The following TENM3 variants were observed in gnomAD, a reference collection of about 807,000 sequenced individuals.
TENM3 encodes the protein teneurin transmembrane protein 3, also known as teneurin-3.
TENM3 carries 63 observed loss-of-function variants against 255.1 expected under a neutral mutation model. That is an observed-to-expected ratio of 0.25 (90% CI 0.20 to 0.30). The LOEUF is 0.30. Ranked by LOEUF, TENM3 falls within the 10% of genes least tolerant of loss-of-function variation. The pLI is 1.00. For synonymous variants in TENM3, 1,306 were observed against 1,322.3 expected, an observed-to-expected ratio of 0.99 and a Z score of 0.27; for missense variants, 2,929 against 3,461.1, an observed-to-expected ratio of 0.85 and a Z score of 3.86.
At chr4:182,281,716 T>C (rs1012396402) in intron 1 of TENM3, among the ~76,000 whole-genome samples, 1 of 152,110 alleles carries the variant, frequency 6.6e-6, no homozygotes, top group Non-Finnish European at 1.5e-5. Flanking sequence ...GTTATAGTAA[T>C]ACATCATCAT....
chr4:181,555,858 AG>A, the TENM3 span, among the ~76,000 whole-genome samples: 1 of 152,218 alleles, frequency 6.6e-6, no homozygotes. Flanking sequence ...GCCAGAACTC[AG>A]TTGGGTGACC....
At chr4:181,673,848 G>GTA in the TENM3 span, among the ~76,000 whole-genome samples, 2 of 36,538 alleles carry the variant, frequency 5.5e-5, no homozygotes, top group African/African-American at 1.5e-4. Flanking sequence ...AGTGTGTGGT[G>GTA]TGTGTGTGTG....
intron 1 of TENM3, among the ~76,000 whole-genome samples, chr4:182,280,353 G>A (rs1311613741): frequency 6.6e-6 from 1 of 152,090 alleles, no homozygotes; most frequent in African/African-American, 2.4e-5. Flanking sequence ...TCTACATTTT[G>A]GGAGGCAGAG....
intron 22 of TENM3, among the ~76,000 whole-genome samples, chr4:182,769,406 T>G (rs1299820551): frequency 6.6e-6 from 1 of 151,760 alleles, no homozygotes; most frequent in East Asian, 1.9e-4. Context: ...TGTGAAAAAG[T>G]TTTTACTCGT....
the TENM3 span, among the ~76,000 whole-genome samples, chr4:181,946,545 T>C: frequency 1.3e-5 from 2 of 152,172 alleles, no homozygotes. Context: ...TTCCATTTTA[T>C]ATTATACTTA....
At chr4:182,728,940 T>C (rs919009939) in intron 13 of TENM3, 25 bp from the exon 14 acceptor site, 2 of 1,597,954 alleles carry the variant, frequency 1.3e-6, no homozygotes, top group Non-Finnish European at 8.6e-7. Flanking sequence ...AAAATTCTCT[T>C]ACTGGGGAAC....
chr4:181,482,232 C>A, the TENM3 span, among the ~76,000 whole-genome samples: 2 of 152,048 alleles, frequency 1.3e-5, no homozygotes, highest in African/African-American at 4.8e-5. Context: ...ATGATGTGTA[C>A]TTGAAAAAGA....
At chr4:182,304,246 T>C (rs113485633) in intron 1 of TENM3, among the ~76,000 whole-genome samples, 10,920 of 152,048 alleles carry the variant, frequency 0.072, 976 homozygotes, top group African/African-American at 0.2. Flanking sequence ...GCAGTCTTGC[T>C]CTGTTGCCCA....
At chr4:182,731,820 C>T (rs370270520) in intron 16 of TENM3, among the ~76,000 whole-genome samples, 6 of 147,794 alleles carry the variant, frequency 4.1e-5, no homozygotes, top group East Asian at 2.0e-4. Flanking sequence ...CTCGCTCTGT[C>T]GCCCAGGCTG....
chr4:181,593,971 G>A, the TENM3 span, among the ~76,000 whole-genome samples: 3 of 150,706 alleles, frequency 2.0e-5, no homozygotes, highest in African/African-American at 7.3e-5. Context: ...TAAATAGAAG[G>A]GTTATAGATA....
intron 3 of TENM3, among the ~76,000 whole-genome samples, chr4:182,451,459 G>A (rs1773455535): frequency 6.6e-6 from 1 of 151,992 alleles, no homozygotes; most frequent in South Asian, 2.1e-4. Flanking sequence ...TGGTTAAAGG[G>A]GTGCACAGGA....
rs1763508662 is a variant in TENM3, at chr4:182,764,523, T to TA, written c.4893-8948dup. On this transcript the variant is annotated intron_variant, in intron 22 of 27. Transcript: ENST00000511685. Reference sequence around the variant, plus strand: ...GGGACAGGATGAGGCAAGAAAAACTTACCAAGGGAGGTAATTTTTAAGATC... The same window carrying TA: ...GGGACAGGATGAGGCAAGAAAAACTTAACCAAGGGAGGTAATTTTTAAGATC... 5.9e-5 allele frequency among the ~76,000 whole-genome samples: 9 copies of TA among 152,278 alleles called. No homozygotes were observed. The South Asian group carries it at 1.9e-3, about 32-fold the overall frequency.
intron 3 of TENM3, among the ~76,000 whole-genome samples, chr4:182,525,405 G>T (rs774375603): frequency 2.6e-5 from 4 of 152,206 alleles, no homozygotes; most frequent in Non-Finnish European, 5.9e-5. Context: ...GACTTGGAGA[G>T]GTTAGTTAGG....
the TENM3 span, among the ~76,000 whole-genome samples, chr4:181,777,622 T>C: frequency 1.3e-5 from 2 of 152,154 alleles, no homozygotes; most frequent in South Asian, 4.1e-4. Flanking sequence ...ATTTTAAAAA[T>C]GGATTAGTTT....
chr4:181,479,411 G>A, the TENM3 span, among the ~76,000 whole-genome samples: 3 of 152,126 alleles, frequency 2.0e-5, no homozygotes, highest in African/African-American at 7.2e-5. Context: ...AAGGATTTTG[G>A]AGAGAAACCC....
chr4:181,731,518 GT>G, the TENM3 span, among the ~76,000 whole-genome samples: 7 of 151,952 alleles, frequency 4.6e-5, no homozygotes, highest in African/African-American at 1.7e-4. Context: ...CACCCAGCTA[GT>G]TTTTTATATT....
the TENM3 span, among the ~76,000 whole-genome samples, chr4:181,897,313 C>T: frequency 6.6e-6 from 1 of 152,078 alleles, no homozygotes; most frequent in African/African-American, 2.4e-5. Flanking sequence ...TTATCCATAC[C>T]TCATTGATTT....
chr4:182,222,346 A>G (rs1039892930), intron 1 of TENM3, among the ~76,000 whole-genome samples: 2 of 152,224 alleles, frequency 1.3e-5, no homozygotes, highest in African/African-American at 4.8e-5. Context: ...ATCTGCACAT[A>G]TGCTATCAAC....
At chr4:182,765,243 A>ACAT (rs1415977944) in intron 22 of TENM3, among the ~76,000 whole-genome samples, 1 of 152,186 alleles carries the variant, frequency 6.6e-6, no homozygotes, top group Non-Finnish European at 1.5e-5. Flanking sequence ...TTGAAAGGGA[A>ACAT]CATAGAAGAT....
Sources: gnomAD v4.1 joint callset for allele counts (sites outside exome capture counted in the v4.1 genomes callset) on GRCh38, gnomAD v4.1.1 for gene constraint, MANE v1.5 for transcripts, NCBI Gene and HGNC (gene_info 2026-07-23, HGNC 2026-07-21) for gene names.